CCSER1: variants seen among roughly 807,000 people sequenced by gnomAD.
The protein encoded by CCSER1 is serine-rich coiled-coil domain-containing protein 1.
Under a neutral mutation model 82.0 loss-of-function variants are expected in CCSER1, and 41 were observed. The ratio of observed to expected loss-of-function variants is 0.50; its 90% CI spans 0.39 to 0.65. The LOEUF (loss-of-function observed/expected upper bound fraction) is 0.65. Among genes scored for constraint, CCSER1 ranks in the 30% least tolerant of loss-of-function variants. The pLI is 0.00. For synonymous variants in CCSER1, 414 were observed against 383.9 expected, an observed-to-expected ratio of 1.08 and a Z score of -0.92; for missense variants, 1,119 against 1,064.2, an observed-to-expected ratio of 1.05 and a Z score of -0.72.
chr4:91,408,632 C>T (rs1202238526), intron 10 of CCSER1, among the ~76,000 whole-genome samples: 2 of 152,154 alleles, frequency 1.3e-5, no homozygotes, highest in Non-Finnish European at 2.9e-5. Context: ...AAACATTTCT[C>T]TTGTTGTTGT....
At chr4:91,316,494 T>C (rs1040227044) in intron 10 of CCSER1, among the ~76,000 whole-genome samples, 2 of 152,020 alleles carry the variant, frequency 1.3e-5, no homozygotes, top group African/African-American at 4.8e-5. Context: ...ATTCATTACT[T>C]ATAATGGACT....
At chr4:91,494,028 G>A (rs1758686680) in intron 10 of CCSER1, among the ~76,000 whole-genome samples, 1 of 151,760 alleles carries the variant, frequency 6.6e-6, no homozygotes. Context: ...TATTGAGGTG[G>A]GGACTTTACA....
At chr4:91,208,812 C>A (rs192154072) in intron 10 of CCSER1, among the ~76,000 whole-genome samples, 1 of 152,014 alleles carries the variant, frequency 6.6e-6, no homozygotes, top group Admixed American at 6.6e-5. Flanking sequence ...GCAGTATGAC[C>A]ATTTTAATGA....
intron 10 of CCSER1, among the ~76,000 whole-genome samples, chr4:91,381,116 G>A (rs764446221): frequency 6.6e-6 from 1 of 152,098 alleles, no homozygotes; most frequent in Non-Finnish European, 1.5e-5. Context: ...CATGAGATCC[G>A]CCATTACTCT....
chr4:91,176,108 C>A (rs894232284), intron 10 of CCSER1, among the ~76,000 whole-genome samples: 1 of 152,198 alleles, frequency 6.6e-6, no homozygotes, highest in Non-Finnish European at 1.5e-5. Context: ...TGATTTTTGA[C>A]AGGTTTGTCA....
At position 91,055,909 on chromosome 4, in the gene CCSER1, T is replaced by C. The variant is rs535776960; in HGVS notation, c.2173-30041T>C. ...ATCTTTTTCCTTCTGTTCCTCATAC[T>C]CAATAATTTCAATGGTCCTGTCTTC... On this transcript the variant is annotated intron_variant, in intron 9 of 10. Transcript: ENST00000509176. Among the ~76,000 whole-genome samples, 4 of 151,878 alleles carry C rather than the reference T, an allele frequency of 2.6e-5. No individual in the cohort carries two copies. The South Asian group carries it at 8.3e-4, about 32-fold the overall frequency.
chr4:90,720,640 G>A (rs1056318027), intron 6 of CCSER1, among the ~76,000 whole-genome samples: 9 of 151,916 alleles, frequency 5.9e-5, no homozygotes, highest in African/African-American at 2.2e-4. Flanking sequence ...AGATACACAC[G>A]GCTGACTTGG....
chr4:90,436,259 G>A (rs905743178), intron 4 of CCSER1, among the ~76,000 whole-genome samples: 9 of 152,246 alleles, frequency 5.9e-5, no homozygotes, highest in South Asian at 2.1e-4. Context: ...TCATGAATAA[G>A]CAAATATGTC....
At chr4:90,404,493 C>T (rs1753413604) in intron 4 of CCSER1, among the ~76,000 whole-genome samples, 1 of 152,182 alleles carries the variant, frequency 6.6e-6, no homozygotes, top group South Asian at 2.1e-4. Flanking sequence ...AGTTTGCATC[C>T]TCTCTATAGA....
intron 6 of CCSER1, among the ~76,000 whole-genome samples, chr4:90,683,504 T>TA (rs889949791): frequency 2.0e-5 from 3 of 152,018 alleles, no homozygotes; most frequent in Non-Finnish European, 4.4e-5. Flanking sequence ...GTTGTACTTT[T>TA]AAAAAATCTT....
intron 3 of CCSER1, chr4:90,370,566 T>A (rs1334312729): frequency 6.6e-6 from 1 of 152,018 alleles, no homozygotes; most frequent in Non-Finnish European, 1.5e-5. Flanking sequence ...TAATTTACCT[T>A]GTTTTGTATG....
At chr4:91,133,782 G>C (rs1309245225) in intron 10 of CCSER1, among the ~76,000 whole-genome samples, 1 of 152,158 alleles carries the variant, frequency 6.6e-6, no homozygotes, top group Non-Finnish European at 1.5e-5. Context: ...GAAAGTTTAA[G>C]ATAAGCCTGA....
At chr4:90,295,574 T>C (rs1434767416) in intron 1 of CCSER1, among the ~76,000 whole-genome samples, 1 of 152,088 alleles carries the variant, frequency 6.6e-6, no homozygotes, top group Non-Finnish European at 1.5e-5. Flanking sequence ...TATATATTCA[T>C]TGGTGATTTG....
intron 5 of CCSER1, among the ~76,000 whole-genome samples, chr4:90,586,456 G>A (rs1782033514): frequency 6.6e-6 from 1 of 152,208 alleles, no homozygotes; most frequent in South Asian, 2.1e-4. Context: ...AACCAAGTCA[G>A]TGATTTTATT....
chr4:90,960,033 C>T (rs1337895698), intron 9 of CCSER1, among the ~76,000 whole-genome samples: 3 of 152,092 alleles, frequency 2.0e-5, no homozygotes, highest in Non-Finnish European at 4.4e-5. Flanking sequence ...CGGCAAGAAT[C>T]GCTTAAATTC....
intron 7 of CCSER1, among the ~76,000 whole-genome samples, chr4:90,802,153 G>C (rs1756919577): frequency 6.6e-6 from 1 of 151,252 alleles, no homozygotes; most frequent in South Asian, 2.1e-4. Flanking sequence ...GGGAGGCGGA[G>C]TTTGCAGTGA....
chr4:90,717,785 G>A (rs930291852), intron 6 of CCSER1, among the ~76,000 whole-genome samples: 4 of 146,602 alleles, frequency 2.7e-5, no homozygotes, highest in Admixed American at 1.4e-4. Flanking sequence ...ATATATGTGT[G>A]TATATATATA....
chr4:90,764,571 A>G (rs1750917895), intron 7 of CCSER1, among the ~76,000 whole-genome samples: 1 of 152,158 alleles, frequency 6.6e-6, no homozygotes, highest in Admixed American at 6.6e-5. Flanking sequence ...TTAAACAGAA[A>G]GAAGAGCAGA....
chr4:91,516,678 T>C (rs1195597047), intron 10 of CCSER1, among the ~76,000 whole-genome samples: 2 of 152,122 alleles, frequency 1.3e-5, no homozygotes, highest in Non-Finnish European at 2.9e-5. Flanking sequence ...TTAGGACGTC[T>C]TGTTTCTTCG....
Sources: gnomAD v4.1 joint callset for allele counts (sites outside exome capture counted in the v4.1 genomes callset) on GRCh38, gnomAD v4.1.1 for gene constraint, MANE v1.5 for transcripts, NCBI Gene and HGNC (gene_info 2026-07-23, HGNC 2026-07-21) for gene names.